The following SCGB2B2 variants were observed in gnomAD, a reference collection of about 807,000 sequenced individuals.
The protein encoded by SCGB2B2 is secretoglobin-like protein.
In SCGB2B2, 11 loss-of-function variants were observed where a neutral mutation model predicts 7.6. The observed-to-expected ratio is 1.45, with a 90% CI of 0.91 to 2.40. The LOEUF is 2.40. SCGB2B2 is among the 30% of genes most tolerant of loss of function. The pLI is 0.00. For missense variants in SCGB2B2, 104 were observed against 115.4 expected (o/e 0.90, Z 0.45); for synonymous variants, 50 against 48.6 (o/e 1.03, Z -0.12).
chr19:34,634,107 C>CT (rs1333234501), intron 1 of SCGB2B2, among the ~76,000 whole-genome samples: 2 of 152,212 alleles, frequency 1.3e-5, no homozygotes, highest in African/African-American at 4.8e-5. Context: ...GCACAGGAGA[C>CT]TAAATCTGGA....
intron 1 of SCGB2B2, among the ~76,000 whole-genome samples, chr19:34,634,367 T>C (rs1469524442): frequency 1.3e-5 from 2 of 152,088 alleles, no homozygotes; most frequent in Non-Finnish European, 2.9e-5. Flanking sequence ...TGCCAGCTGG[T>C]AGAGGTGAAA....
chr19:34,597,094 G>C (rs1346656749), intron 1 of SCGB2B2, among the ~76,000 whole-genome samples: 2 of 151,506 alleles, frequency 1.3e-5, no homozygotes, highest in East Asian at 4.0e-4. Flanking sequence ...TCAGTGATGG[G>C]GTTTGTGCAG....
intron 1 of SCGB2B2, among the ~76,000 whole-genome samples, chr19:34,656,759 A>G (rs1010809962): frequency 3.3e-5 from 5 of 151,414 alleles, no homozygotes; most frequent in Non-Finnish European, 5.9e-5. Context: ...GTAACCAGAA[A>G]TACTTTTAAA....
chr19:34,608,351 T>C (rs896070270), intron 1 of SCGB2B2, among the ~76,000 whole-genome samples: 2 of 151,796 alleles, frequency 1.3e-5, no homozygotes, highest in Admixed American at 1.3e-4. Flanking sequence ...TAACAATAAA[T>C]TGTTAATTAT....
chr19:34,640,746 AG>A (rs1232648044), intron 1 of SCGB2B2: 2 of 152,168 alleles, frequency 1.3e-5, no homozygotes, highest in Admixed American at 6.5e-5. Flanking sequence ...TAGCTTTTCC[AG>A]GGTTTTTGAA....
At chr19:34,617,853 C>T (rs966784158) in intron 1 of SCGB2B2, among the ~76,000 whole-genome samples, 20 of 152,098 alleles carry the variant, frequency 1.3e-4, no homozygotes, top group Non-Finnish European at 2.9e-5. Context: ...ATTTTGAAAT[C>T]GTTGGAAAAG....
intron 1 of SCGB2B2, among the ~76,000 whole-genome samples, chr19:34,607,702 T>C (rs2065820072): frequency 6.6e-6 from 1 of 152,266 alleles, no homozygotes; most frequent in Non-Finnish European, 1.5e-5. Context: ...TGATTCGTGA[T>C]GGTGAACATC....
intron 1 of SCGB2B2, among the ~76,000 whole-genome samples, chr19:34,606,511 C>CTTTTT (rs774587331): frequency 1.1e-5 from 1 of 92,584 alleles, no homozygotes; most frequent in African/African-American, 3.3e-5. Flanking sequence ...TTTTTCTTTT[C>CTTTTT]TTTTTCTTTT....
At chr19:34,631,012 G>A (rs2066514872) in intron 1 of SCGB2B2, among the ~76,000 whole-genome samples, 1 of 150,282 alleles carries the variant, frequency 6.7e-6, no homozygotes. Flanking sequence ...ACTATCACAA[G>A]GACAAAAAAC....
At position 34,654,932 on chromosome 19, in the gene SCGB2B2, C is replaced by G. The variant is rs529284895; in HGVS notation, c.-2032+20698G>C. Among the ~76,000 whole-genome samples, 7 of 151,358 alleles carry G rather than the reference C, an allele frequency of 4.6e-5. No individual in the cohort carries two copies. The East Asian group carries it at 1.3e-3, about 29-fold the overall frequency. On this transcript the variant is annotated intron_variant, in intron 1 of 3. Coordinates refer to ENST00000601241, the MANE Select transcript of SCGB2B2 (RefSeq NM_001025591.4). ...TCCCTGAATTGATTTGTTTGTGCAG[C>G]AGGCAGGAAGAATCCTTCGGGCACT...
At chr19:34,600,253 T>C (rs1258875965) in intron 1 of SCGB2B2, among the ~76,000 whole-genome samples, 1 of 152,234 alleles carries the variant, frequency 6.6e-6, no homozygotes, top group East Asian at 1.9e-4. Flanking sequence ...TCTTACTTTT[T>C]TGTTCCCCAT....
rs2066657598 is a variant in SCGB2B2 at position 34,635,732 on chromosome 19, G to C, written c.-2031-39138C>G. 8 of 167,536 alleles carry C rather than the reference G, an allele frequency of 4.8e-5. No homozygotes were observed. In the South Asian group the frequency reaches 1.1e-3, roughly 23 times the overall value. The allele number at this position is 167,536 out of a possible 1,614,324, so 10.4% of individuals were successfully genotyped here. ...AGGCCTCCTTGCACTCAGTATTTCT[G>C]GGTGAATTCTGGGTCTGGTACTGGA... is the stretch of plus-strand genomic sequence containing the variant. On this transcript the variant is annotated intron_variant, in intron 1 of 3. Transcript: ENST00000601241.
chr19:34,624,332 T>TAG (rs1424507776), intron 1 of SCGB2B2, among the ~76,000 whole-genome samples: 1 of 152,242 alleles, frequency 6.6e-6, no homozygotes, highest in Admixed American at 6.5e-5. Flanking sequence ...GTGCCATGAA[T>TAG]GACTATCATT....
chr19:34,659,689 A>T (rs988701773), intron 1 of SCGB2B2, among the ~76,000 whole-genome samples: 2 of 152,238 alleles, frequency 1.3e-5, no homozygotes, highest in African/African-American at 4.8e-5. Flanking sequence ...GGAAGAATCA[A>T]TATCGTGAAA....
intron 1 of SCGB2B2, among the ~76,000 whole-genome samples, chr19:34,660,706 G>T (rs549192094): frequency 6.6e-6 from 1 of 152,228 alleles, no homozygotes; most frequent in Non-Finnish European, 1.5e-5. Flanking sequence ...CATTGTGGAA[G>T]ACAGTGTGGC....
At chr19:34,633,064 C>T (rs1266386633) in intron 1 of SCGB2B2, 1 of 152,314 alleles carries the variant, frequency 6.6e-6, no homozygotes, top group Non-Finnish European at 1.5e-5. Context: ...TGGTCTTTTC[C>T]ATGGAAACCC....
chr19:34,644,487 C>T (rs1421055118), intron 1 of SCGB2B2, among the ~76,000 whole-genome samples: 1 of 151,564 alleles, frequency 6.6e-6, no homozygotes, highest in African/African-American at 2.4e-5. Flanking sequence ...CTATCGATGT[C>T]CAAAACTTTT....
intron 1 of SCGB2B2, among the ~76,000 whole-genome samples, chr19:34,636,839 C>G (rs1341789570): frequency 6.6e-6 from 1 of 152,076 alleles, no homozygotes; most frequent in African/African-American, 2.4e-5. Context: ...CAGAGCCAGT[C>G]CCCGCCAGAG....
At chr19:34,621,930 C>G (rs2066252094) in intron 1 of SCGB2B2, among the ~76,000 whole-genome samples, 1 of 152,154 alleles carries the variant, frequency 6.6e-6, no homozygotes, top group African/African-American at 2.4e-5. Flanking sequence ...TGGGTTCAGG[C>G]AAGGACAGGT....
Sources: allele counts gnomAD v4.1 joint callset (sites outside exome capture counted in the v4.1 genomes callset), GRCh38; gene constraint gnomAD v4.1.1; transcripts MANE v1.5; gene names NCBI Gene and HGNC (gene_info 2026-07-23, HGNC 2026-07-21).